The following LRP1B variants were observed in gnomAD, a reference collection of about 807,000 sequenced individuals.
LRP1B encodes low-density lipoprotein receptor-related protein 1B.
LRP1B carries 217 observed loss-of-function variants against 556.6 expected under a neutral mutation model. The observed-to-expected ratio is 0.39, with a 90% CI of 0.35 to 0.44. LRP1B has a LOEUF of 0.44. Ranked by LOEUF, LRP1B falls within the 20% of genes least tolerant of loss-of-function variation. The probability of loss-of-function intolerance (pLI) is 1.00; values close to 1 mark genes in which losing one functional copy is unlikely to be tolerated. For synonymous variants in LRP1B, 2,047 were observed against 1,865.8 expected (o/e 1.10, Z -2.50); for missense variants, 5,053 against 5,620.8 (o/e 0.90, Z 3.23).
chr2:140,781,041 G>A (rs1353192384), intron 32 of LRP1B, among the ~76,000 whole-genome samples: 2 of 152,152 alleles, frequency 1.3e-5, no homozygotes, highest in South Asian at 4.2e-4. Flanking sequence ...GGGCTTCTAA[G>A]AGTAGCACAA....
intron 2 of LRP1B, among the ~76,000 whole-genome samples, chr2:141,644,968 C>G (rs1469387328): frequency 2.6e-5 from 4 of 152,076 alleles, no homozygotes; most frequent in Admixed American, 6.6e-5. Context: ...TTTAGGGAAA[C>G]ATAGCCTTTG....
chr2:141,122,809 A>T (rs1701094834), intron 7 of LRP1B, among the ~76,000 whole-genome samples: 1 of 152,192 alleles, frequency 6.6e-6, no homozygotes, highest in Admixed American at 6.5e-5. Flanking sequence ...ATGTATGTTT[A>T]TAGCGGCACT....
intron 1 of LRP1B, among the ~76,000 whole-genome samples, chr2:142,099,155 A>G (rs72851416): frequency 0.068 from 10,385 of 151,950 alleles, 476 homozygotes; most frequent in Non-Finnish European, 0.094. Context: ...CATATTTCAC[A>G]TCTGTAATGC....
At chr2:141,172,002 G>T (rs1680519762) in intron 7 of LRP1B, among the ~76,000 whole-genome samples, 1 of 151,948 alleles carries the variant, frequency 6.6e-6, no homozygotes, top group Non-Finnish European at 1.5e-5. Flanking sequence ...AAAGTGAAAA[G>T]AAAAAAGATA....
At chr2:142,095,221 T>A (rs1270284426) in intron 1 of LRP1B, among the ~76,000 whole-genome samples, 2 of 151,498 alleles carry the variant, frequency 1.3e-5, no homozygotes, top group Non-Finnish European at 1.5e-5. Flanking sequence ...TTTAGCAAGA[T>A]GTGAAGCAAT....
intron 3 of LRP1B, among the ~76,000 whole-genome samples, chr2:141,385,302 A>G (rs1447167251): frequency 6.6e-6 from 1 of 152,182 alleles, no homozygotes; most frequent in African/African-American, 2.4e-5. Context: ...GGAAAAATAT[A>G]TACAGTTTGA....
At chr2:140,712,600 A>G (rs1687072493) in intron 37 of LRP1B, among the ~76,000 whole-genome samples, 1 of 151,960 alleles carries the variant, frequency 6.6e-6, no homozygotes, top group African/African-American at 2.4e-5. Flanking sequence ...CCATACTAAG[A>G]AAAACCTTAT....
At chr2:141,659,724 T>A (rs960609403) in intron 2 of LRP1B, among the ~76,000 whole-genome samples, 19 of 152,096 alleles carry the variant, frequency 1.2e-4, no homozygotes, top group African/African-American at 4.6e-4. Context: ...ATCATGCAGG[T>A]AGAAATTAAA....
At chr2:140,637,675 A>G (rs1559022802) in intron 41 of LRP1B, among the ~76,000 whole-genome samples, 1 of 152,128 alleles carries the variant, frequency 6.6e-6, no homozygotes, top group East Asian at 1.9e-4. Flanking sequence ...AGTCCATCCT[A>G]GACACCAGAA....
At chr2:141,465,677 G>A (rs993336679) in intron 3 of LRP1B, among the ~76,000 whole-genome samples, 1 of 151,250 alleles carries the variant, frequency 6.6e-6, no homozygotes, top group Admixed American at 6.6e-5. Flanking sequence ...AGCCCCCCAA[G>A]TAGCTAGGAC....
chr2:140,991,286 C>T (rs1697085881), intron 16 of LRP1B, among the ~76,000 whole-genome samples: 1 of 152,050 alleles, frequency 6.6e-6, no homozygotes. Flanking sequence ...ATTCAAACAC[C>T]TTTTGGTATG....
chr2:140,552,266 A>G (rs904741846), intron 43 of LRP1B, among the ~76,000 whole-genome samples: 1 of 152,172 alleles, frequency 6.6e-6, no homozygotes, highest in African/African-American at 2.4e-5. Flanking sequence ...AAGAATGAAA[A>G]TGTTGATACT....
At chr2:141,742,207 A>G (rs1693733921) in intron 2 of LRP1B, among the ~76,000 whole-genome samples, 1 of 149,386 alleles carries the variant, frequency 6.7e-6, no homozygotes, top group Admixed American at 6.7e-5. Context: ...CTGTAGTATA[A>G]CTTGAAGTCA....
intron 2 of LRP1B, among the ~76,000 whole-genome samples, chr2:141,772,276 C>T (rs1230403812): frequency 6.6e-6 from 1 of 152,132 alleles, no homozygotes; most frequent in Non-Finnish European, 1.5e-5. Flanking sequence ...CCTATGGTAT[C>T]CTGTTATAGC....
chr2:140,515,541 T>C (rs1198902143), intron 50 of LRP1B, among the ~76,000 whole-genome samples: 1 of 152,070 alleles, frequency 6.6e-6, no homozygotes, highest in Non-Finnish European at 1.5e-5. Context: ...GTGTTCAAAA[T>C]ATAAACTCTT....
At chr2:141,755,580 C>G (rs997624203) in intron 2 of LRP1B, among the ~76,000 whole-genome samples, 1 of 151,874 alleles carries the variant, frequency 6.6e-6, no homozygotes, top group African/African-American at 2.4e-5. Flanking sequence ...AGGTAAAAAC[C>G]TTTTGGAGGG....
In LRP1B at chr2:141,463,734, A is replaced by T. The variant is rs956468677; in HGVS notation, c.343+16662T>A. 2.1e-5 allele frequency among the ~76,000 whole-genome samples: 3 copies of T among 144,156 alleles called. No homozygotes were observed. The South Asian group carries it at 6.4e-4, about 31-fold the overall frequency. The allele number at this position is 144,156 out of a possible 152,430, so 94.6% of individuals were successfully genotyped here. ...CCCCCTATTGGTAGGAAACATTTGG[A>T]TATCCTCAGAACAAGGACTGGCCTA... On this transcript the variant is annotated intron_variant, in intron 3 of 90. Transcript: ENST00000389484.
chr2:142,004,074 T>C (rs944189890), intron 1 of LRP1B, among the ~76,000 whole-genome samples: 5 of 152,306 alleles, frequency 3.3e-5, no homozygotes, highest in Non-Finnish European at 5.9e-5. Context: ...CAAGGTCCTA[T>C]GGCTAGTAGG....
intron 3 of LRP1B, among the ~76,000 whole-genome samples, chr2:141,388,238 C>T (rs1689907167): frequency 1.3e-5 from 2 of 152,072 alleles, no homozygotes; most frequent in African/African-American, 2.4e-5. Flanking sequence ...GAGTTTGAGA[C>T]CAGCCTGGCC....
Sources: allele counts gnomAD v4.1 joint callset (sites outside exome capture counted in the v4.1 genomes callset), GRCh38; gene constraint gnomAD v4.1.1; transcripts MANE v1.5; gene names NCBI Gene and HGNC (gene_info 2026-07-23, HGNC 2026-07-21).